The following GALNT13 variants were observed in gnomAD, a reference collection of about 807,000 sequenced individuals.
GALNT13 encodes the protein polypeptide N-acetylgalactosaminyltransferase 13.
A neutral mutation model predicts 64.2 loss-of-function variants in GALNT13; 28 were observed. The ratio of observed to expected loss-of-function variants is 0.44; its 90% CI spans 0.32 to 0.60. The LOEUF (loss-of-function observed/expected upper bound fraction) is 0.60, where lower values mean the gene tolerates loss of function less well. Among genes scored for constraint, GALNT13 ranks in the 20% least tolerant of loss-of-function variants. The probability of loss-of-function intolerance (pLI) is 0.05; values close to 1 mark genes in which losing one functional copy is unlikely to be tolerated. For missense variants in GALNT13, 577 were observed against 669.8 expected (o/e 0.86, Z 1.53); for synonymous variants, 214 against 224.6 (o/e 0.95, Z 0.42).
At chr2:153,693,152 C>T in the GALNT13 span, among the ~76,000 whole-genome samples, 1 of 152,190 alleles carries the variant, frequency 6.6e-6, no homozygotes, top group African/African-American at 2.4e-5. Flanking sequence ...ATAGGTTACT[C>T]TGCACTGGAA....
the GALNT13 span, among the ~76,000 whole-genome samples, chr2:153,756,197 GAT>G: frequency 6.6e-6 from 1 of 152,148 alleles, no homozygotes; most frequent in African/African-American, 2.4e-5. Context: ...TTATGTATAA[GAT>G]CACATTTATG....
chr2:153,161,956 T>A, the GALNT13 span, among the ~76,000 whole-genome samples: 2 of 152,188 alleles, frequency 1.3e-5, no homozygotes, highest in Non-Finnish European at 2.9e-5. Flanking sequence ...TCCACAAAGT[T>A]GCTGATTGGT....
chr2:153,966,736 G>A (rs1693387360), intron 3 of GALNT13, among the ~76,000 whole-genome samples: 1 of 151,564 alleles, frequency 6.6e-6, no homozygotes, highest in African/African-American at 2.4e-5. Context: ...AATCTTATTT[G>A]TTTTGAATCT....
chr2:154,169,321 T>G (rs35777568), intron 4 of GALNT13, among the ~76,000 whole-genome samples: 27,821 of 152,146 alleles, frequency 0.18, 3,351 homozygotes, highest in Non-Finnish European at 0.26. Context: ...AGCCATCACA[T>G]TTGGGAAATA....
At chr2:153,615,317 A>G in the GALNT13 span, among the ~76,000 whole-genome samples, 1 of 152,076 alleles carries the variant, frequency 6.6e-6, no homozygotes, top group African/African-American at 2.4e-5. Context: ...GCTATTGTAA[A>G]CAATGCTGCA....
chr2:153,397,599 G>A, the GALNT13 span, among the ~76,000 whole-genome samples: 1 of 151,844 alleles, frequency 6.6e-6, no homozygotes, highest in Non-Finnish European at 1.5e-5. Context: ...AATTAGGTAT[G>A]AGAGATTCAT....
At chr2:153,302,101 T>C in the GALNT13 span, among the ~76,000 whole-genome samples, 1 of 152,162 alleles carries the variant, frequency 6.6e-6, no homozygotes, top group Non-Finnish European at 1.5e-5. Flanking sequence ...AGTTACGTTA[T>C]ACTTTTAGTT....
chr2:153,661,632 C>T, the GALNT13 span, among the ~76,000 whole-genome samples: 1 of 152,126 alleles, frequency 6.6e-6, no homozygotes, highest in Non-Finnish European at 1.5e-5. Context: ...TATATGGCCA[C>T]TTCTATAATG....
the GALNT13 span, among the ~76,000 whole-genome samples, chr2:153,556,397 G>A: frequency 6.6e-6 from 1 of 152,050 alleles, no homozygotes; most frequent in African/African-American, 2.4e-5. Flanking sequence ...GATATTCTAT[G>A]TTCAGAGACT....
At chr2:153,701,962 C>G in the GALNT13 span, among the ~76,000 whole-genome samples, 1 of 152,106 alleles carries the variant, frequency 6.6e-6, no homozygotes, top group Non-Finnish European at 1.5e-5. Context: ...CCATTTGACC[C>G]AGTAATCCCA....
the GALNT13 span, among the ~76,000 whole-genome samples, chr2:153,662,337 C>A: frequency 1.3e-5 from 2 of 152,286 alleles, no homozygotes; most frequent in African/African-American, 4.8e-5. Flanking sequence ...CTGCCCACTT[C>A]CGTTTCCTTC....
chr2:154,032,014 A>G (rs2105307919), intron 3 of GALNT13, among the ~76,000 whole-genome samples: 1 of 152,050 alleles, frequency 6.6e-6, no homozygotes, highest in East Asian at 1.9e-4. Context: ...ATATAATATC[A>G]GAACAGAAAA....
chr2:153,155,671 C>T, the GALNT13 span, among the ~76,000 whole-genome samples: 1 of 152,036 alleles, frequency 6.6e-6, no homozygotes, highest in African/African-American at 2.4e-5. Flanking sequence ...AAATAACAGA[C>T]TCCTAGATTC....
chr2:153,830,783 A>G, the GALNT13 span, among the ~76,000 whole-genome samples: 2 of 152,098 alleles, frequency 1.3e-5, no homozygotes, highest in African/African-American at 2.4e-5. Context: ...TTTTTGCTTT[A>G]ATAACTTTGC....
chr2:154,395,998 C>T lies in GALNT13; in HGVS notation c.1164C>T (p.Val388=). The change falls in exon 10 of 13, where the codon GTC becomes GTT. Residue 388 remains valine, a synonymous_variant. Coordinates refer to ENST00000392825, the MANE Select transcript of GALNT13 (RefSeq NM_052917.4). The part of the protein sequence containing the change: ...DFFYIISPGV[V]KVDYGDVSVR... ...TTCTCTGAAAAATTCCAGGTGTTGT[C>T]AAAGTGGATTATGGAGATGTGTCAG... is the stretch of plus-strand genomic sequence containing the variant. 1 of 1,597,430 alleles carries T rather than the reference C, an allele frequency of 6.3e-7. No homozygotes were observed. The highest frequency in any genetic ancestry group is 1.7e-4 in the Middle Eastern group (1 of 5,998).
chr2:153,096,269 T>C, the GALNT13 span, among the ~76,000 whole-genome samples: 1 of 151,884 alleles, frequency 6.6e-6, no homozygotes, highest in Non-Finnish European at 1.5e-5. Flanking sequence ...GTTTTAAGAT[T>C]TTTTTTTGTG....
intron 8 of GALNT13, among the ~76,000 whole-genome samples, chr2:154,275,129 G>C (rs1691572266): frequency 6.6e-6 from 1 of 152,186 alleles, no homozygotes; most frequent in Non-Finnish European, 1.5e-5. Context: ...AGAAGAAGCA[G>C]AGCCTAAAAG....
chr2:153,676,520 C>G, the GALNT13 span, among the ~76,000 whole-genome samples: 9 of 152,050 alleles, frequency 5.9e-5, no homozygotes. Flanking sequence ...TCTATAAGGC[C>G]AGCATTATCC....
the GALNT13 span, among the ~76,000 whole-genome samples, chr2:153,547,223 C>T: frequency 2.6e-5 from 4 of 152,286 alleles, no homozygotes; most frequent in African/African-American, 7.2e-5. Context: ...AGGCCCAAAC[C>T]GATGTTTCCA....
Sources: gnomAD v4.1 joint callset for allele counts (sites outside exome capture counted in the v4.1 genomes callset) on GRCh38, gnomAD v4.1.1 for gene constraint, MANE v1.5 for transcripts, NCBI Gene and HGNC (gene_info 2026-07-23, HGNC 2026-07-21) for gene names.